Variants in POLR3B observed in about 807,000 individuals in gnomAD.
POLR3B encodes DNA-directed RNA polymerase III subunit RPC2.
POLR3B carries 96 observed loss-of-function variants against 147.4 expected under a neutral mutation model. The ratio of observed to expected loss-of-function variants is 0.65; its 90% confidence interval spans 0.55 to 0.77. The LOEUF (loss-of-function observed/expected upper bound fraction) is 0.77, where lower values mean the gene tolerates loss of function less well. POLR3B is among the 30% of genes least tolerant of loss of function. The pLI, the probability that POLR3B is intolerant of heterozygous loss-of-function variation, is 0.00. For synonymous variants in POLR3B, 461 were observed against 485.9 expected (o/e 0.95, Z 0.67); for missense variants, 1,036 against 1,413.5 (o/e 0.73, Z 4.28).
At chr12:106,474,770 G>C (rs569431688) in intron 23 of POLR3B, among the ~76,000 whole-genome samples, 1 of 149,304 alleles carries the variant, frequency 6.7e-6, no homozygotes, top group African/African-American at 2.5e-5. Flanking sequence ...TTCTTTATTA[G>C]TCTTGCTAGC....
At chr12:106,423,661 C>A (rs1040756909) in intron 12 of POLR3B, among the ~76,000 whole-genome samples, 4 of 152,056 alleles carry the variant, frequency 2.6e-5, no homozygotes, top group Admixed American at 2.0e-4. Flanking sequence ...TATCTGAGTC[C>A]TCAAAAGATT....
chr12:106,369,429 A>T, intron 5 of POLR3B, 79 bp downstream of exon 5: 1 of 988,992 alleles, frequency 1.0e-6, no homozygotes, highest in Non-Finnish European at 1.6e-6. Flanking sequence ...TTAAAAGATC[A>T]TTTAAAAATG....
intron 10 of POLR3B, among the ~76,000 whole-genome samples, chr12:106,398,407 C>T (rs558929412): frequency 2.6e-5 from 4 of 152,316 alleles, no homozygotes; most frequent in South Asian, 4.1e-4. Flanking sequence ...CCTCTGGGGG[C>T]AGGGCACAGA....
intron 9 of POLR3B, among the ~76,000 whole-genome samples, chr12:106,387,714 A>G (rs2036859530): frequency 6.6e-6 from 1 of 152,202 alleles, no homozygotes; most frequent in Non-Finnish European, 1.5e-5. Context: ...TTAGAATCAG[A>G]CAGATTTAGG....
intron 21 of POLR3B, 111 bp from the exon 22 acceptor site, chr12:106,459,140 C>A (rs934659517): frequency 2.7e-6 from 2 of 742,342 alleles, no homozygotes; most frequent in African/African-American, 3.4e-5. Context: ...CCTCCTACCG[C>A]AGCCTCCTGA....
rs1287922005 is a variant in POLR3B, at chr12:106,463,474, C to T, written c.2571-4C>T. The T allele has an allele frequency of 4.3e-6, 7 of 1,612,810 alleles. No homozygotes were observed. Among genetic ancestry groups the T allele is most frequent in the Middle Eastern group, 1.6e-4 (1 of 6,076 alleles). On this transcript the variant is annotated splice_polypyrimidine_tract_variant and splice_region_variant and intron_variant, in intron 22 of 27. Transcript: ENST00000228347. ...CTGTTTTAGTGACTTTCTCTTAACA[C>T]CAGCTACAAAGGAGCAACAGACTCA...
At chr12:106,417,712 G>C (rs905665854) in intron 12 of POLR3B, among the ~76,000 whole-genome samples, 1 of 152,140 alleles carries the variant, frequency 6.6e-6, no homozygotes, top group African/African-American at 2.4e-5. Flanking sequence ...CTACTTAGCA[G>C]TTTGGTTTTT....
chr12:106,362,309 G>C (rs1565871765), intron 1 of POLR3B, among the ~76,000 whole-genome samples: 1 of 152,134 alleles, frequency 6.6e-6, no homozygotes, highest in Non-Finnish European at 1.5e-5. Flanking sequence ...TATAAGAAGG[G>C]GTGTAGAGAG....
intron 7 of POLR3B, among the ~76,000 whole-genome samples, chr12:106,376,741 C>T (rs1403468314): frequency 1.3e-5 from 2 of 152,080 alleles, no homozygotes; most frequent in East Asian, 1.9e-4. Context: ...CCTCAGCTTC[C>T]CAAATAGATG....
chr12:106,508,303 T>C (rs1565920202), intron 27 of POLR3B, among the ~76,000 whole-genome samples: 1 of 152,224 alleles, frequency 6.6e-6, no homozygotes, highest in Non-Finnish European at 1.5e-5. Flanking sequence ...TCAAAGAATA[T>C]GCACATTTAC....
rs138958110 is a variant in POLR3B, at chr12:106,441,939, G to A, written c.1956-2524G>A. ...CTACTAAAAATACAAAATTAGCTGG[G>A]TGTGGTGGCGCATGTCTGTAATCCC... On this transcript the variant is annotated intron_variant, in intron 18 of 27. Coordinates refer to ENST00000228347, the MANE Select transcript of POLR3B (RefSeq NM_018082.6). Among the ~76,000 whole-genome samples the A allele has an allele frequency of 6.2e-3, 947 of 152,142 alleles. 9 individuals carry two copies. The highest frequency in any genetic ancestry group is 0.022 in the African/African-American group (916 of 41,496).
At chr12:106,495,186 C>G (rs1487773120) in intron 23 of POLR3B, among the ~76,000 whole-genome samples, 1 of 152,088 alleles carries the variant, frequency 6.6e-6, no homozygotes, top group Admixed American at 6.6e-5. Context: ...CATTCCTCTT[C>G]CCAAAAAAAT....
At chr12:106,488,275 C>G (rs1242659294) in intron 23 of POLR3B, among the ~76,000 whole-genome samples, 1 of 152,206 alleles carries the variant, frequency 6.6e-6, no homozygotes, top group Non-Finnish European at 1.5e-5. Context: ...TGCAGTGAGT[C>G]TGCATCCCCC....
rs773665687 is a variant in POLR3B at position 106,427,260 on chromosome 12, G to A, written c.1165G>A (p.Asp389Asn). The A allele has an allele frequency of 9.9e-6, 16 of 1,608,682 alleles. No individual in the cohort carries two copies. Among genetic ancestry groups the A allele is most frequent in the Middle Eastern group, 1.7e-4 (1 of 6,052 alleles). The change falls in exon 13 of 28, where the codon GAC (aspartate) becomes AAC (asparagine). Residue 389 changes from aspartate (D) to asparagine (N), a missense_variant. Physicochemically the swap from Asp to Asn is conservative, Grantham distance 23. Transcript: ENST00000228347. Reference sequence around the variant, plus strand: ...TAATTCTGAAATGAAAAAGATTGCCGACCAGGTGATTCCTAAGCAAAGAGC... The same window carrying A: ...TAATTCTGAAATGAAAAAGATTGCCAACCAGGTGATTCCTAAGCAAAGAGC... ...KFNSEMKKIADQVIPKQRAAQ... is the reference protein window; with the variant it reads ...KFNSEMKKIANQVIPKQRAAQ...
In POLR3B at chr12:106,358,090, G is replaced by A. The variant is rs374177704; in HGVS notation, c.72+139G>A. The stretch of plus-strand genomic sequence containing the variant: ...GGCTTCTGCGCATGCCCAGAGCGTC[G>A]CGCTTGCGAGTCTTTTTTCCAGAGC... On this transcript the variant is annotated intron_variant, in intron 1 of 27. Coordinates refer to ENST00000228347, the MANE Select transcript of POLR3B (RefSeq NM_018082.6). The A allele has an allele frequency of 7.7e-4, 1,171 of 1,523,120 alleles. 23 individuals carry two copies. In the East Asian group the frequency reaches 8.1e-3, roughly 10 times the overall value. The allele number at this position is 1,523,120 out of a possible 1,614,324, so 94.4% of individuals were successfully genotyped here. A position where few individuals can be genotyped will look rare whatever the true frequency, so the allele number is the denominator to read the frequency against.
chr12:106,470,446 A>G (rs2038074568), intron 23 of POLR3B, among the ~76,000 whole-genome samples: 2 of 152,058 alleles, frequency 1.3e-5, no homozygotes, highest in South Asian at 4.1e-4. Flanking sequence ...TCTGAAGCCT[A>G]CTTCTGTCAA....
intron 1 of POLR3B, 33 bp downstream of exon 1, chr12:106,357,984 C>G: frequency 6.2e-7 from 1 of 1,608,124 alleles, no homozygotes; most frequent in South Asian, 1.1e-5. Flanking sequence ...GCGTCAGGGA[C>G]AAGGATGCGC....
At chr12:106,467,876 C>T (rs929815768) in intron 23 of POLR3B, among the ~76,000 whole-genome samples, 4 of 152,078 alleles carry the variant, frequency 2.6e-5, no homozygotes, top group African/African-American at 7.2e-5. Context: ...TGAGGATTTT[C>T]GCATCAATGT....
intron 2 of POLR3B, 63 bp from the exon 3 acceptor site, chr12:106,366,453 G>T: frequency 1.0e-6 from 1 of 988,546 alleles, no homozygotes; most frequent in East Asian, 2.4e-5. Context: ...TATTATTTGA[G>T]CATATCATCA....
Sources: allele counts gnomAD v4.1 joint callset (sites outside exome capture counted in the v4.1 genomes callset), GRCh38; gene constraint gnomAD v4.1.1; transcripts MANE v1.5; gene names NCBI Gene and HGNC (gene_info 2026-07-23, HGNC 2026-07-21).